The following TRIP4 variants were observed in gnomAD, a reference collection of about 807,000 sequenced individuals.
The protein encoded by TRIP4 is thyroid hormone receptor interactor 4, also known as activating signal cointegrator 1.
A neutral mutation model predicts 81.8 loss-of-function variants in TRIP4; 54 were observed. That is an observed-to-expected ratio of 0.66 (90% confidence interval 0.53 to 0.83). The LOEUF (loss-of-function observed/expected upper bound fraction) is 0.83, where lower values mean the gene tolerates loss of function less well. Among genes scored for constraint, TRIP4 ranks in the 40% least tolerant of loss-of-function variants. The pLI is 0.00. For missense variants in TRIP4, 662 were observed against 683.6 expected (o/e 0.97, Z 0.35); for synonymous variants, 270 against 242.8 (o/e 1.11, Z -1.04).
intron 11 of TRIP4, among the ~76,000 whole-genome samples, 160 bp downstream of exon 11, chr15:64,425,791 G>C: frequency 6.6e-6 from 1 of 152,098 alleles, no homozygotes; most frequent in Middle Eastern, 3.2e-3. Flanking sequence ...TGTATAAAAA[G>C]CTGTTTCCAG....
At chr15:64,389,521 A>G (rs1900054924) in intron 1 of TRIP4, among the ~76,000 whole-genome samples, 1 of 152,150 alleles carries the variant, frequency 6.6e-6, no homozygotes. Context: ...ACACTAGAAT[A>G]GACAACAAAA....
intron 11 of TRIP4, among the ~76,000 whole-genome samples, chr15:64,438,021 G>A (rs1873421477): frequency 6.6e-6 from 1 of 152,122 alleles, no homozygotes; most frequent in South Asian, 2.1e-4. Context: ...AAGGGTGAGA[G>A]AAGTCTAGGA....
At chr15:64,441,159 G>C (rs1892509024) in intron 11 of TRIP4, among the ~76,000 whole-genome samples, 1 of 151,810 alleles carries the variant, frequency 6.6e-6, no homozygotes, top group Non-Finnish European at 1.5e-5. Flanking sequence ...ACCACGCCTG[G>C]CTAATTTTTT....
chr15:64,393,462 T>C (rs1464515000), intron 1 of TRIP4: 1 of 151,930 alleles, frequency 6.6e-6, no homozygotes, highest in Non-Finnish European at 1.5e-5. Flanking sequence ...CGGCCGCTTA[T>C]GTGTTAATTT....
chr15:64,394,515 G>T (rs566013014), intron 2 of TRIP4, among the ~76,000 whole-genome samples: 2 of 150,544 alleles, frequency 1.3e-5, no homozygotes, highest in Non-Finnish European at 3.0e-5. Context: ...TGAGGCAGGA[G>T]AATGGCGTGA....
chr15:64,410,428 G>A (rs1206619567), intron 7 of TRIP4, among the ~76,000 whole-genome samples: 1 of 152,160 alleles, frequency 6.6e-6, no homozygotes, highest in Non-Finnish European at 1.5e-5. Context: ...GTTTGTATGT[G>A]TGCATGGGTG....
At chr15:64,421,247 A>G (rs1596349561) in intron 9 of TRIP4, among the ~76,000 whole-genome samples, 1 of 150,566 alleles carries the variant, frequency 6.6e-6, no homozygotes, top group South Asian at 2.1e-4. Context: ...GCATCATTGC[A>G]CTCCAGCCTG....
chr15:64,445,844 G>T (rs1892622229), intron 12 of TRIP4, among the ~76,000 whole-genome samples: 1 of 152,018 alleles, frequency 6.6e-6, no homozygotes, highest in Non-Finnish European at 1.5e-5. Flanking sequence ...TTCAATTTCA[G>T]ATCCTATTAC....
intron 2 of TRIP4, 34 bp from the exon 3 acceptor site, chr15:64,395,364 G>A: frequency 1.3e-6 from 2 of 1,580,866 alleles, no homozygotes; most frequent in Admixed American, 1.8e-5. Context: ...ATCAATCTGT[G>A]TGTGTGTGTA....
At chr15:64,437,383 C>T (rs1219302491) in intron 11 of TRIP4, among the ~76,000 whole-genome samples, 1 of 151,342 alleles carries the variant, frequency 6.6e-6, no homozygotes, top group Non-Finnish European at 1.5e-5. Flanking sequence ...CACCATTGCA[C>T]TCCAACCTGG....
chr15:64,429,724 C>T (rs1259933329), intron 11 of TRIP4, among the ~76,000 whole-genome samples: 2 of 152,204 alleles, frequency 1.3e-5, no homozygotes, highest in African/African-American at 2.4e-5. Flanking sequence ...TCTGTATTCT[C>T]ATAGGTCAAC....
chr15:64,418,228 C>T (rs1891929296), intron 8 of TRIP4, among the ~76,000 whole-genome samples: 1 of 152,158 alleles, frequency 6.6e-6, no homozygotes, highest in South Asian at 2.1e-4. Context: ...TCTCCTGCCT[C>T]TGCCTCATGA....
chr15:64,438,032 T>A (rs1211671140), intron 11 of TRIP4, among the ~76,000 whole-genome samples: 1 of 152,214 alleles, frequency 6.6e-6, no homozygotes, highest in African/African-American at 2.4e-5. Flanking sequence ...AAGTCTAGGA[T>A]CAACTTGGGT....
At chr15:64,432,160 C>T (rs1262148159) in intron 11 of TRIP4, among the ~76,000 whole-genome samples, 1 of 151,298 alleles carries the variant, frequency 6.6e-6, no homozygotes, top group African/African-American at 2.4e-5. Context: ...GCTGGGATTA[C>T]AGGCATGAGC....
Position 64,418,570 on chromosome 15 carries a change from G to C in TRIP4, c.1200G>C (p.Gln400His), listed in dbSNP as rs1891937721. 1 of 1,613,044 alleles carries C rather than the reference G, an allele frequency of 6.2e-7. No individual in the cohort carries two copies. The highest frequency in any genetic ancestry group is 1.3e-5 in the African/African-American group (1 of 75,018). Residue 400 changes from glutamine to histidine, a missense_variant, in exon 9 of 13, where the codon CAG (glutamine) becomes CAC (histidine). Transcript: ENST00000261884. ...QWVDHTGAASQKKAFRSSGFG... is the reference protein window; with the variant it reads ...QWVDHTGAASHKKAFRSSGFG... ...TTGACCACACAGGTGCAGCCTCACAGAAGAAGGCTTTCCGTTCTTCAGGAT... is the reference window on the plus strand; with the variant it reads ...TTGACCACACAGGTGCAGCCTCACACAAGAAGGCTTTCCGTTCTTCAGGAT...
rs867187380 is a variant in TRIP4, at chr15:64,399,183, C to G, written c.618+1365C>G. ...TCAAGCTGGTCTCAGAACTCCTGAC[C>G]TCAGGTGATCCAACCATCTCAGCCT... On this transcript the variant is annotated intron_variant, in intron 4 of 12. Coordinates refer to ENST00000261884, the MANE Select transcript of TRIP4 (RefSeq NM_016213.5). 4.6e-5 allele frequency among the ~76,000 whole-genome samples: 7 copies of G among 151,980 alleles called. No homozygotes were observed. In the South Asian group the frequency reaches 6.2e-4, roughly 14 times the overall value.
chr15:64,441,506 G>C (rs1274572339), intron 11 of TRIP4, among the ~76,000 whole-genome samples: 1 of 149,600 alleles, frequency 6.7e-6, no homozygotes, highest in Non-Finnish European at 1.5e-5. Context: ...GGGCGTGGTG[G>C]CTCACGCCTG....
chr15:64,394,265 A>T (rs1900222154), intron 2 of TRIP4, 150 bp downstream of exon 2: 1 of 665,506 alleles, frequency 1.5e-6, no homozygotes, highest in African/African-American at 1.9e-5. Flanking sequence ...GTTCGGTTCT[A>T]CTCAATCCGT....
At chr15:64,435,004 C>T (rs1466527) in intron 11 of TRIP4, among the ~76,000 whole-genome samples, 1 of 149,874 alleles carries the variant, frequency 6.7e-6, no homozygotes, top group South Asian at 2.1e-4. Context: ...TCACTTGAGC[C>T]CAGGAGTTCG....
Sources: allele counts gnomAD v4.1 joint callset (sites outside exome capture counted in the v4.1 genomes callset), GRCh38; gene constraint gnomAD v4.1.1; transcripts MANE v1.5; gene names NCBI Gene and HGNC (gene_info 2026-07-23, HGNC 2026-07-21).